The following MDGA2 variants were observed in gnomAD, a reference collection of about 807,000 sequenced individuals.
MDGA2 encodes the protein MAM domain containing glycosylphosphatidylinositol anchor 2.
MDGA2 carries 40 observed loss-of-function variants against 117.8 expected under a neutral mutation model. The ratio of observed to expected loss-of-function variants is 0.34; its 90% CI spans 0.26 to 0.44. MDGA2 has a LOEUF of 0.44. MDGA2 is among the 20% of genes least tolerant of loss of function. MDGA2 has a pLI of 1.00. For missense variants in MDGA2, 1,123 were observed against 1,250.6 expected (o/e 0.90, Z 1.54); for synonymous variants, 452 against 439.0 (o/e 1.03, Z -0.37).
intron 1 of MDGA2, among the ~76,000 whole-genome samples, chr14:47,409,831 C>T (rs907052541): frequency 7.2e-5 from 11 of 152,002 alleles, no homozygotes; most frequent in African/African-American, 2.7e-4. Flanking sequence ...ATTTACGTCC[C>T]CCGCTTTGTG....
chr14:46,911,002 AG>A (rs1248131542), intron 10 of MDGA2, among the ~76,000 whole-genome samples: 1 of 152,110 alleles, frequency 6.6e-6, no homozygotes, highest in Non-Finnish European at 1.5e-5. Context: ...GAAGGGGTGG[AG>A]GTTGGGCGGA....
intron 1 of MDGA2, among the ~76,000 whole-genome samples, chr14:47,539,802 C>A (rs1895300328): frequency 6.6e-6 from 1 of 152,178 alleles, no homozygotes; most frequent in African/African-American, 2.4e-5. Context: ...ATACCACAGT[C>A]AGTGAAAGCT....
intron 1 of MDGA2, among the ~76,000 whole-genome samples, chr14:47,507,894 A>G (rs1894549204): frequency 6.6e-6 from 1 of 152,170 alleles, no homozygotes. Flanking sequence ...TGAGAACTGA[A>G]GCAGGGACTG....
chr14:47,465,102 G>T (rs986347937), intron 1 of MDGA2, among the ~76,000 whole-genome samples: 11 of 152,038 alleles, frequency 7.2e-5, no homozygotes, highest in African/African-American at 2.7e-4. Context: ...GTGGAGAAAT[G>T]ACTCCCTATT....
chr14:47,022,765 A>C (rs1208525282), intron 8 of MDGA2, among the ~76,000 whole-genome samples: 4 of 152,206 alleles, frequency 2.6e-5, no homozygotes, highest in Admixed American at 6.5e-5. Flanking sequence ...ATGAAATGAC[A>C]AAAAGCATTG....
rs536525524 is a variant in MDGA2, at chr14:47,499,716, G to T, written c.280+174801C>A. Among the ~76,000 whole-genome samples the T allele has an allele frequency of 1.3e-4, 20 of 152,206 alleles. No homozygotes were observed. The South Asian group carries it at 4.2e-3, about 32-fold the overall frequency. ...ACAACAGAAGCAGAACTTATCTTTT[G>T]ATGAGTTGTTGTACTTACTAAATCA... is the stretch of plus-strand genomic sequence containing the variant. On this transcript the variant is annotated intron_variant, in intron 1 of 16. Coordinates refer to ENST00000399232, the MANE Select transcript of MDGA2 (RefSeq NM_001113498.3).
chr14:46,945,690 G>A (rs1281485752), intron 9 of MDGA2, among the ~76,000 whole-genome samples: 1 of 152,032 alleles, frequency 6.6e-6, no homozygotes, highest in Non-Finnish European at 1.5e-5. Flanking sequence ...ACCTTGCTAT[G>A]CTCATATACA....
At chr14:47,366,581 C>T (rs1253910747) in intron 1 of MDGA2, among the ~76,000 whole-genome samples, 1 of 151,974 alleles carries the variant, frequency 6.6e-6, no homozygotes, top group African/African-American at 2.4e-5. Flanking sequence ...AGTAAGTGCT[C>T]TACTAATCAC....
Position 46,855,180 on chromosome 14 carries a change from T to C in MDGA2, c.2753-26A>G. The C allele has an allele frequency of 6.3e-7, 1 of 1,581,772 alleles. No homozygotes were observed. Among genetic ancestry groups the C allele is most frequent in the Non-Finnish European group, 8.6e-7 (1 of 1,167,278 alleles). ...CTAAAAATGACAATAAAATTTTATT[T>C]TGCATATTCATTTTCACCTCAAATT... On this transcript the variant is annotated intron_variant, in intron 14 of 16. Transcript: ENST00000399232. The surrounding 1 kb of genome is among the most constrained non-coding windows in gnomAD (Gnocchi z 4.1).
intron 1 of MDGA2, among the ~76,000 whole-genome samples, chr14:47,508,352 ACTCTCTCT>A (rs3039658): frequency 3.8e-5 from 5 of 132,760 alleles, no homozygotes; most frequent in South Asian, 2.7e-4. Flanking sequence ...TTGCTGATTG[ACTCTCTCT>A]CTCTCTCTCT....
intron 10 of MDGA2, among the ~76,000 whole-genome samples, chr14:46,917,602 A>G (rs1038560869): frequency 7.2e-5 from 11 of 152,226 alleles, no homozygotes; most frequent in Admixed American, 6.5e-4. Flanking sequence ...AGGGAAATTT[A>G]TACATACATA....
intron 12 of MDGA2, among the ~76,000 whole-genome samples, chr14:46,875,398 A>G (rs1882185861): frequency 6.6e-6 from 1 of 151,762 alleles, no homozygotes; most frequent in South Asian, 2.1e-4. Flanking sequence ...TTTGTTTTTT[A>G]GACGAAACAC....
At chr14:47,027,254 G>A (rs1888507260) in intron 8 of MDGA2, among the ~76,000 whole-genome samples, 1 of 151,970 alleles carries the variant, frequency 6.6e-6, no homozygotes, top group Non-Finnish European at 1.5e-5. Context: ...CGGCCTTATG[G>A]TATTATGGAA....
intron 2 of MDGA2, among the ~76,000 whole-genome samples, chr14:47,261,211 T>A (rs907643065): frequency 6.6e-6 from 1 of 152,120 alleles, no homozygotes; most frequent in Non-Finnish European, 1.5e-5. Context: ...ATCATGTTCT[T>A]CAGGCTTTTT....
intron 5 of MDGA2, among the ~76,000 whole-genome samples, chr14:47,111,326 T>C (rs1270108362): frequency 6.6e-6 from 1 of 152,078 alleles, no homozygotes; most frequent in East Asian, 1.9e-4. Context: ...TAAACAAAAT[T>C]CATAATTTCC....
chr14:47,295,228 T>C (rs1302536079), intron 2 of MDGA2, among the ~76,000 whole-genome samples: 3 of 152,208 alleles, frequency 2.0e-5, no homozygotes, highest in Admixed American at 6.5e-5. Flanking sequence ...ATTCTTTCTT[T>C]GTTTTATTTT....
intron 6 of MDGA2, among the ~76,000 whole-genome samples, chr14:47,063,433 T>A (rs907158449): frequency 6.6e-6 from 1 of 152,014 alleles, no homozygotes; most frequent in Admixed American, 6.6e-5. Flanking sequence ...TCACAGGCAC[T>A]GACCTATGAC....
chr14:46,938,264 C>G (rs1317511274), intron 9 of MDGA2, among the ~76,000 whole-genome samples: 2 of 151,898 alleles, frequency 1.3e-5, no homozygotes, highest in African/African-American at 2.4e-5. Context: ...TCCGGCTGGG[C>G]ATGGTGGCTC....
At chr14:47,551,553 C>A (rs1441681540) in intron 1 of MDGA2, among the ~76,000 whole-genome samples, 1 of 152,148 alleles carries the variant, frequency 6.6e-6, no homozygotes, top group Non-Finnish European at 1.5e-5. Context: ...ATAATTTCAA[C>A]CTTTCCCCCA....
Sources: allele counts gnomAD v4.1 joint callset (sites outside exome capture counted in the v4.1 genomes callset), GRCh38; gene constraint gnomAD v4.1.1; non-coding constraint Gnocchi (gnomAD v3.1); transcripts MANE v1.5; gene names NCBI Gene and HGNC (gene_info 2026-07-23, HGNC 2026-07-21).